ADGRL4: variants seen among roughly 807,000 people sequenced by gnomAD.
ADGRL4 encodes EGF, latrophilin and seven transmembrane domain containing 1.
ADGRL4 carries 90 observed loss-of-function variants against 74.8 expected under a neutral mutation model. The observed-to-expected ratio is 1.20, with a 90% CI of 1.02 to 1.43. The LOEUF (loss-of-function observed/expected upper bound fraction) is 1.43. Among genes scored for constraint, ADGRL4 ranks in the 40% most tolerant of loss-of-function variants. ADGRL4 has a pLI of 0.00. For synonymous variants in ADGRL4, 311 were observed against 279.2 expected, an observed-to-expected ratio of 1.11 and a Z score of -1.14; for missense variants, 881 against 814.3, an observed-to-expected ratio of 1.08 and a Z score of -1.00.
At chr1:78,994,402 T>C (rs1436847433) in intron 2 of ADGRL4, among the ~76,000 whole-genome samples, 3 of 152,008 alleles carry the variant, frequency 2.0e-5, no homozygotes, top group Non-Finnish European at 4.4e-5. Flanking sequence ...TCAGCATAGG[T>C]AAAGAACAAT....
intron 12 of ADGRL4, among the ~76,000 whole-genome samples, chr1:78,910,959 C>T (rs147314433): frequency 9.2e-4 from 139 of 151,866 alleles, no homozygotes; most frequent in African/African-American, 3.2e-3. Context: ...TGTTACTGTT[C>T]AAATACCTAA....
Position 78,902,947 on chromosome 1 carries a change from T to C in ADGRL4, c.1750-9758A>G, listed in dbSNP as rs369844048. On this transcript the variant is annotated intron_variant, in intron 12 of 14. Transcript: ENST00000370742. ...AGCTTTCCATCCTTTAGAGTCCAAA[T>C]ATAACTGTATAATCATTTCATGATA... Among the ~76,000 whole-genome samples, 20 of 152,252 alleles carry C rather than the reference T, an allele frequency of 1.3e-4. No homozygotes were observed. In the South Asian group the frequency reaches 3.9e-3, roughly 30 times the overall value.
chr1:78,903,642 T>C (rs532140708), intron 12 of ADGRL4, among the ~76,000 whole-genome samples: 77 of 151,986 alleles, frequency 5.1e-4, no homozygotes, highest in Admixed American at 4.4e-3. Context: ...AAAAAAAAAG[T>C]CAGGTACTAT....
chr1:78,898,510 C>CTT (rs1648445834), intron 12 of ADGRL4, among the ~76,000 whole-genome samples: 3 of 145,526 alleles, frequency 2.1e-5, no homozygotes, highest in Non-Finnish European at 3.1e-5. Flanking sequence ...ACTTTTGTCT[C>CTT]ATTTTTTTTT....
chr1:78,946,540 T>A, intron 2 of ADGRL4, 114 bp from the exon 3 acceptor site: 1 of 821,930 alleles, frequency 1.2e-6, no homozygotes, highest in Non-Finnish European at 1.9e-6. Flanking sequence ...ATGTGATGTT[T>A]ATATCTACAA....
chr1:78,890,689 C>T lies in ADGRL4; in HGVS notation c.*465G>A, dbSNP rs898589813. 1.3e-4 allele frequency: 20 copies of T among 153,738 alleles called. No homozygotes were observed. The highest frequency in any genetic ancestry group is 1.9e-4 in the Non-Finnish European group (13 of 69,264). The allele number at this position is 153,738 out of a possible 1,614,324, so 9.5% of individuals were successfully genotyped here. On this transcript the variant is annotated 3_prime_UTR_variant, in exon 15 of 15. Coordinates refer to ENST00000370742, the MANE Select transcript of ADGRL4 (RefSeq NM_022159.4). ...TCATTCAAAATACATCTTATCATTC[C>T]CTTTTCACTGTTTGATATTCTGCCC...
rs542026252 is a variant in ADGRL4, at chr1:78,955,433, A to AT, written c.173-9008dup. On this transcript the variant is annotated intron_variant, in intron 2 of 14. Coordinates refer to ENST00000370742, the MANE Select transcript of ADGRL4 (RefSeq NM_022159.4). Reference sequence around the variant, plus strand: ...CTTGTTTGCTTCCCAAGCTGCAGAGATTTTTTGTAATCATGTCTTGCATTC... The same window carrying AT: ...CTTGTTTGCTTCCCAAGCTGCAGAGATTTTTTTGTAATCATGTCTTGCATTC... Among the ~76,000 whole-genome samples, 70 of 152,168 alleles carry AT rather than the reference A, an allele frequency of 4.6e-4. 1 individual carries two copies. The highest frequency in any genetic ancestry group is 9.4e-4 in the African/African-American group (39 of 41,552).
intron 2 of ADGRL4, among the ~76,000 whole-genome samples, chr1:78,989,940 G>C (rs548996518): frequency 2.0e-5 from 3 of 151,938 alleles, no homozygotes; most frequent in East Asian, 3.9e-4. Flanking sequence ...TGATTCCAGG[G>C]ATGCCTTCTT....
intron 2 of ADGRL4, among the ~76,000 whole-genome samples, chr1:78,956,879 A>T (rs11806813): frequency 0.014 from 2,191 of 152,166 alleles, 54 homozygotes; most frequent in African/African-American, 0.051. Flanking sequence ...ACTTTGCAGA[A>T]ATTGCAATTT....
chr1:78,965,251 T>C (rs1906829), intron 2 of ADGRL4, among the ~76,000 whole-genome samples: 2,177 of 152,266 alleles, frequency 0.014, 52 homozygotes, highest in African/African-American at 0.05. Flanking sequence ...AAAACTAATT[T>C]GTATGATACT....
At chr1:78,920,665 G>GTTA (rs1336568760) in intron 9 of ADGRL4, among the ~76,000 whole-genome samples, 1 of 151,722 alleles carries the variant, frequency 6.6e-6, no homozygotes, top group East Asian at 1.9e-4. Flanking sequence ...GTTTAACAAT[G>GTTA]TTATCGTCAT....
rs2100669190 is a variant in ADGRL4, at chr1:78,917,852, T to C, written c.1660A>G (p.Arg554Gly). ...VVGFSAALGY[R>G]YYGTTKVCWL... is the part of the protein sequence containing the mutation. ...TACACTTTGGTTGTGCCATAATATC[T>C]GTATCCTAGTGCTGCCGAAAATCCA... is the stretch of plus-strand genomic sequence containing the variant. The change falls in exon 11 of 15, where the codon AGA becomes GGA. Residue 554 changes from arginine to glycine, a missense_variant. Arg to Gly is a moderately radical substitution (Grantham distance 125). Transcript: ENST00000370742. 1.2e-6 allele frequency: 2 copies of C among 1,612,658 alleles called. No homozygotes were observed. Among genetic ancestry groups the C allele is most frequent in the African/African-American group, 1.3e-5 (1 of 74,932 alleles).
chr1:78,983,001 G>A (rs1650426232), intron 2 of ADGRL4, among the ~76,000 whole-genome samples: 1 of 151,800 alleles, frequency 6.6e-6, no homozygotes, highest in Admixed American at 6.6e-5. Context: ...AGGCTACGGG[G>A]GCAGAGGGAG....
Position 79,006,617 on chromosome 1 carries a change from G to C in ADGRL4, c.22+16C>G. 5 of 1,535,490 alleles carry C rather than the reference G, an allele frequency of 3.3e-6. No individual in the cohort carries two copies. The highest frequency in any genetic ancestry group is 4.4e-6 in the Non-Finnish European group (5 of 1,141,390). On this transcript the variant is annotated intron_variant, in intron 1 of 14. Coordinates refer to ENST00000370742, the MANE Select transcript of ADGRL4 (RefSeq NM_022159.4). ...CCCTCCGACGACCTCGGCGACCAGGGGCGCTGAGCACTCACCTAGGAGCGG... is the reference window on the plus strand; with the variant it reads ...CCCTCCGACGACCTCGGCGACCAGGCGCGCTGAGCACTCACCTAGGAGCGG...
intron 2 of ADGRL4, among the ~76,000 whole-genome samples, chr1:78,956,282 C>T (rs1649827381): frequency 1.3e-5 from 2 of 152,128 alleles, no homozygotes; most frequent in South Asian, 4.1e-4. Flanking sequence ...TCAGTTTAAG[C>T]TGTCGGATAC....
At chr1:78,966,001 A>C (rs1650048703) in intron 2 of ADGRL4, among the ~76,000 whole-genome samples, 1 of 151,972 alleles carries the variant, frequency 6.6e-6, no homozygotes, top group Non-Finnish European at 1.5e-5. Context: ...CAAAAAAAAA[A>C]AAACAAAAAC....
At chr1:78,933,994 G>C (rs1649299317) in intron 7 of ADGRL4, among the ~76,000 whole-genome samples, 1 of 152,086 alleles carries the variant, frequency 6.6e-6, no homozygotes, top group Non-Finnish European at 1.5e-5. Context: ...TCGTGAAAAT[G>C]GCCATACTGC....
At chr1:78,981,547 C>T (rs1168754247) in intron 2 of ADGRL4, among the ~76,000 whole-genome samples, 2 of 151,828 alleles carry the variant, frequency 1.3e-5, no homozygotes, top group African/African-American at 2.4e-5. Context: ...TCAGTGGATA[C>T]TCAGTAAATA....
At chr1:78,973,029 G>A (rs1650202116) in intron 2 of ADGRL4, among the ~76,000 whole-genome samples, 1 of 152,130 alleles carries the variant, frequency 6.6e-6, no homozygotes, top group South Asian at 2.1e-4. Context: ...GGTACCCTTA[G>A]GCTGTTAGCA....
Sources: gnomAD v4.1 joint callset for allele counts (sites outside exome capture counted in the v4.1 genomes callset) on GRCh38, gnomAD v4.1.1 for gene constraint, MANE v1.5 for transcripts, NCBI Gene and HGNC (gene_info 2026-07-23, HGNC 2026-07-21) for gene names.